Variants in PHACTR3 observed in about 807,000 individuals in gnomAD.
PHACTR3 encodes the protein protein phosphatase 1, regulatory subunit 123.
Under a neutral mutation model 66.8 loss-of-function variants are expected in PHACTR3, and 16 were observed. The observed-to-expected ratio is 0.24, with a 90% CI of 0.16 to 0.36. The LOEUF is 0.36. Ranked by LOEUF, PHACTR3 falls within the 10% of genes least tolerant of loss-of-function variation. PHACTR3 has a pLI of 1.00. For synonymous variants in PHACTR3, 323 were observed against 292.1 expected, an observed-to-expected ratio of 1.11 and a Z score of -1.08; for missense variants, 647 against 719.9, an observed-to-expected ratio of 0.90 and a Z score of 1.16.
chr20:59,758,882 AG>A (rs5842282), intron 4 of PHACTR3, among the ~76,000 whole-genome samples: 4 of 152,174 alleles, frequency 2.6e-5, no homozygotes, highest in African/African-American at 4.8e-5. Flanking sequence ...CTGACCTCCC[AG>A]GGTCGCTAAA....
chr20:59,609,064 A>G (rs549495384), intron 1 of PHACTR3, among the ~76,000 whole-genome samples: 1 of 152,262 alleles, frequency 6.6e-6, no homozygotes, highest in African/African-American at 2.4e-5. Flanking sequence ...TGGCCAGGCA[A>G]CTGGCCACTC....
At chr20:59,701,846 C>T (rs536980435) in intron 1 of PHACTR3, among the ~76,000 whole-genome samples, 33 of 152,298 alleles carry the variant, frequency 2.2e-4, no homozygotes, top group African/African-American at 5.5e-4. Context: ...ATAGTTTCAC[C>T]GACCCCCCAA....
intron 1 of PHACTR3, among the ~76,000 whole-genome samples, chr20:59,652,693 T>C (rs967101778): frequency 1.3e-5 from 2 of 152,226 alleles, no homozygotes; most frequent in Non-Finnish European, 2.9e-5. Context: ...CTTTCCTCTT[T>C]AAGAGTGTAC....
chr20:59,791,077 A>G (rs1024545368), intron 7 of PHACTR3, among the ~76,000 whole-genome samples: 8 of 152,170 alleles, frequency 5.3e-5, no homozygotes, highest in Non-Finnish European at 1.5e-5. Flanking sequence ...CCACCATGGT[A>G]TGAATGTTTG....
intron 1 of PHACTR3, among the ~76,000 whole-genome samples, chr20:59,617,789 C>T (rs541170216): frequency 8.5e-5 from 13 of 152,154 alleles, no homozygotes; most frequent in Admixed American, 2.6e-4. Context: ...CTTCGTCCCT[C>T]CTTCCATCCC....
intron 7 of PHACTR3, among the ~76,000 whole-genome samples, chr20:59,793,928 G>T (rs1321021825): frequency 6.6e-6 from 1 of 151,892 alleles, no homozygotes; most frequent in Non-Finnish European, 1.5e-5. Flanking sequence ...TTCAAGACCA[G>T]CCTGGCCAAC....
chr20:59,833,679 G>T lies in PHACTR3; in HGVS notation c.1329-2826G>T, dbSNP rs188894627. On this transcript the variant is annotated intron_variant, in intron 8 of 12. Transcript: ENST00000371015. ...GGTGTCCCTATGGGTGTTCCTGGCT[G>T]GGCAGCTGGCTCAAGAATTGTCTTG... Among the ~76,000 whole-genome samples, 12 of 152,278 alleles carry T rather than the reference G, an allele frequency of 7.9e-5. No homozygotes were observed. In the East Asian group the frequency reaches 2.3e-3, roughly 29 times the overall value.
intron 1 of PHACTR3, among the ~76,000 whole-genome samples, chr20:59,591,860 A>G (rs905361705): frequency 6.6e-6 from 1 of 152,080 alleles, no homozygotes; most frequent in Non-Finnish European, 1.5e-5. Flanking sequence ...TGGTAAAAAT[A>G]TAAAGAATAC....
intron 1 of PHACTR3, among the ~76,000 whole-genome samples, chr20:59,624,629 G>C (rs892837551): frequency 6.6e-6 from 1 of 152,246 alleles, no homozygotes; most frequent in East Asian, 1.9e-4. Context: ...AGCCACCTCA[G>C]TCCCTACCGG....
At chr20:59,584,528 T>C in intron 1 of PHACTR3, among the ~76,000 whole-genome samples, 1 of 152,094 alleles carries the variant, frequency 6.6e-6, no homozygotes, top group East Asian at 1.9e-4. Flanking sequence ...AGTGTGTGCA[T>C]GCACAAGTGT....
intron 1 of PHACTR3, among the ~76,000 whole-genome samples, chr20:59,611,925 G>A (rs1339221021): frequency 6.6e-6 from 1 of 152,200 alleles, no homozygotes; most frequent in Non-Finnish European, 1.5e-5. Flanking sequence ...TCCTTTGCAA[G>A]TATATCTTCA....
chr20:59,800,893 G>A (rs2041393152), intron 7 of PHACTR3, among the ~76,000 whole-genome samples: 3 of 151,708 alleles, frequency 2.0e-5, no homozygotes, highest in Admixed American at 2.0e-4. Flanking sequence ...TAGCTCAACA[G>A]CTAACTCCCA....
At chr20:59,702,919 T>C (rs77527689) in intron 1 of PHACTR3, among the ~76,000 whole-genome samples, 5,305 of 152,308 alleles carry the variant, frequency 0.035, 214 homozygotes, top group East Asian at 0.17. Flanking sequence ...TTCGTCTACA[T>C]GGCCCTACTT....
intron 1 of PHACTR3, among the ~76,000 whole-genome samples, chr20:59,610,080 C>T (rs1260816455): frequency 1.3e-5 from 2 of 152,126 alleles, no homozygotes; most frequent in African/African-American, 4.8e-5. Context: ...ACAGTGAAAC[C>T]CTGTCTCTAT....
intron 1 of PHACTR3, among the ~76,000 whole-genome samples, chr20:59,646,654 C>T (rs2035289921): frequency 6.6e-6 from 1 of 152,134 alleles, no homozygotes. Context: ...CAGTTCAGGC[C>T]CTGCAACTAC....
intron 1 of PHACTR3, among the ~76,000 whole-genome samples, chr20:59,609,974 G>A (rs1443645031): frequency 6.6e-6 from 1 of 152,166 alleles, no homozygotes; most frequent in Admixed American, 6.5e-5. Context: ...CCTTTTCCTA[G>A]CTGGGCATGG....
chr20:59,781,274 G>C (rs1255036769), intron 7 of PHACTR3, among the ~76,000 whole-genome samples: 1 of 152,242 alleles, frequency 6.6e-6, no homozygotes, highest in African/African-American at 2.4e-5. Context: ...TATGTGCCAG[G>C]ACAGGCTGGC....
At chr20:59,677,910 T>C (rs965772854) in intron 1 of PHACTR3, among the ~76,000 whole-genome samples, 11 of 152,148 alleles carry the variant, frequency 7.2e-5, no homozygotes, top group Admixed American at 7.2e-4. Context: ...AGGAATGCAG[T>C]CCCAGAGCCA....
intron 5 of PHACTR3, among the ~76,000 whole-genome samples, chr20:59,770,905 GC>G (rs2040337227): frequency 1.3e-5 from 2 of 152,218 alleles, no homozygotes; most frequent in South Asian, 4.1e-4. Flanking sequence ...CACAGCCTCT[GC>G]CAAGTGTAAG....
Sources: allele counts gnomAD v4.1 joint callset (sites outside exome capture counted in the v4.1 genomes callset), GRCh38; gene constraint gnomAD v4.1.1; transcripts MANE v1.5; gene names NCBI Gene and HGNC (gene_info 2026-07-23, HGNC 2026-07-21).